Variants in PTPRD observed in about 807,000 individuals in gnomAD.
PTPRD encodes protein tyrosine phosphatase receptor type D.
Under a neutral mutation model 214.5 loss-of-function variants are expected in PTPRD, and 34 were observed. The observed-to-expected ratio is 0.16, with a 90% CI of 0.12 to 0.21. The LOEUF (loss-of-function observed/expected upper bound fraction) is 0.21, where lower values mean the gene tolerates loss of function less well. Ranked by LOEUF, PTPRD falls within the 10% of genes least tolerant of loss-of-function variation. PTPRD has a pLI of 1.00. For missense variants in PTPRD, 2,545 were observed against 2,398.7 expected, an observed-to-expected ratio of 1.06 and a Z score of -1.27; for synonymous variants, 1,128 against 845.7, an observed-to-expected ratio of 1.33 and a Z score of -5.79.
chr9:8,532,221 C>G (rs893227276), intron 14 of PTPRD, among the ~76,000 whole-genome samples: 1 of 151,666 alleles, frequency 6.6e-6, no homozygotes, highest in African/African-American at 2.4e-5. Context: ...TGGCTTGTTT[C>G]CAATTTGACT....
intron 3 of PTPRD, among the ~76,000 whole-genome samples, chr9:10,042,093 G>C (rs900668079): frequency 1.3e-5 from 2 of 152,052 alleles, no homozygotes; most frequent in Non-Finnish European, 2.9e-5. Context: ...AGCAGCAGAG[G>C]TAGCAAAATG....
intron 3 of PTPRD, among the ~76,000 whole-genome samples, chr9:10,139,319 A>G (rs1362349705): frequency 6.6e-6 from 1 of 152,034 alleles, no homozygotes; most frequent in African/African-American, 2.4e-5. Flanking sequence ...ACTGCTAATC[A>G]AGGAGATAAA....
chr9:8,769,690 G>C lies in PTPRD; in HGVS notation c.-103-35744C>G, dbSNP rs557733147. Among the ~76,000 whole-genome samples the C allele has an allele frequency of 3.6e-4, 55 of 151,934 alleles. 1 individual carries two copies. Among genetic ancestry groups the C allele is most frequent in the Admixed American group, 3.3e-3 (50 of 15,264 alleles). On this transcript the variant is annotated intron_variant, in intron 11 of 45. Coordinates refer to ENST00000381196, the MANE Select transcript of PTPRD (RefSeq NM_002839.4). The stretch of plus-strand genomic sequence containing the variant: ...ACTGTGAGAATATTGATGTCAGAAG[G>C]AAAGCAACTCTGTTCAACAGTTTTC...
At chr9:8,539,732 T>C (rs1386001692) in intron 14 of PTPRD, among the ~76,000 whole-genome samples, 1 of 152,070 alleles carries the variant, frequency 6.6e-6, no homozygotes, top group Non-Finnish European at 1.5e-5. Flanking sequence ...AAGAACATTT[T>C]GTTAAATAAC....
chr9:8,489,924 G>A (rs555168263), intron 27 of PTPRD, among the ~76,000 whole-genome samples: 4 of 152,310 alleles, frequency 2.6e-5, no homozygotes, highest in Admixed American at 1.3e-4. Context: ...AAATAAAGAC[G>A]GATGCAGCAG....
intron 7 of PTPRD, among the ~76,000 whole-genome samples, chr9:9,647,607 T>C (rs1024119166): frequency 2.0e-5 from 3 of 152,230 alleles, no homozygotes; most frequent in Non-Finnish European, 2.9e-5. Context: ...ATTTTGTTTA[T>C]GGTCATAAAT....
chr9:10,467,843 A>G (rs1423918472), intron 2 of PTPRD, among the ~76,000 whole-genome samples: 3 of 152,098 alleles, frequency 2.0e-5, no homozygotes, highest in Non-Finnish European at 2.9e-5. Flanking sequence ...CAAGTAAAAA[A>G]CATAAAGATA....
intron 11 of PTPRD, among the ~76,000 whole-genome samples, chr9:8,795,204 A>C (rs2096374716): frequency 6.6e-6 from 1 of 151,962 alleles, no homozygotes; most frequent in African/African-American, 2.4e-5. Context: ...TCACTCTGTC[A>C]CCCAGGCTGG....
chr9:9,716,337 A>G (rs1341046583), intron 7 of PTPRD, among the ~76,000 whole-genome samples: 2 of 151,720 alleles, frequency 1.3e-5, no homozygotes, highest in African/African-American at 2.4e-5. Flanking sequence ...TCTTTATAGC[A>G]GCATGATTTA....
At chr9:8,483,728 G>A (rs760087073) in intron 30 of PTPRD, among the ~76,000 whole-genome samples, 3 of 152,150 alleles carry the variant, frequency 2.0e-5, no homozygotes, top group Non-Finnish European at 4.4e-5. Flanking sequence ...GCAGTGAGCC[G>A]AGATCGCGCC....
chr9:8,752,085 G>C (rs1025313673), intron 11 of PTPRD, among the ~76,000 whole-genome samples: 1 of 152,176 alleles, frequency 6.6e-6, no homozygotes, highest in Non-Finnish European at 1.5e-5. Flanking sequence ...CGCTGTCAGA[G>C]ATGTGTGAAC....
chr9:9,277,084 C>T, intron 9 of PTPRD, among the ~76,000 whole-genome samples: 1 of 151,378 alleles, frequency 6.6e-6, no homozygotes, highest in East Asian at 2.0e-4. Context: ...ACAATTCAAT[C>T]CCTTGTCTAT....
chr9:8,989,485 A>G (rs1250083554), intron 11 of PTPRD, among the ~76,000 whole-genome samples: 2 of 152,028 alleles, frequency 1.3e-5, no homozygotes, highest in Non-Finnish European at 2.9e-5. Flanking sequence ...GGTTTATTTC[A>G]CTTACTATAA....
intron 14 of PTPRD, among the ~76,000 whole-genome samples, chr9:8,553,441 T>C (rs1005740295): frequency 3.3e-5 from 5 of 152,200 alleles, no homozygotes; most frequent in African/African-American, 4.8e-5. Context: ...TCTGATAAGT[T>C]GAAGTAGTGG....
chr9:8,684,089 GAA>G lies in PTPRD; in HGVS notation c.65-47247_65-47246del, dbSNP rs140480931. Among the ~76,000 whole-genome samples, 1,243 of 152,222 alleles carry G rather than the reference GAA, an allele frequency of 8.2e-3. 22 individuals are homozygous for G. The highest frequency in any genetic ancestry group is 0.029 in the African/African-American group (1,190 of 41,544). On this transcript the variant is annotated intron_variant, in intron 12 of 45. Coordinates refer to ENST00000381196, the MANE Select transcript of PTPRD (RefSeq NM_002839.4). ...TGCAGCTAAGATATGGTGGAGCAGC[GAA>G]AAGTCATCTCTGCTGCGCCCTATCT...
At chr9:8,990,072 C>T (rs1161070815) in intron 11 of PTPRD, among the ~76,000 whole-genome samples, 2 of 152,082 alleles carry the variant, frequency 1.3e-5, no homozygotes, top group Admixed American at 6.5e-5. Context: ...TGTCTTTTCC[C>T]ATTATTTGTG....
At chr9:9,679,244 C>G in intron 7 of PTPRD, among the ~76,000 whole-genome samples, 1 of 151,616 alleles carries the variant, frequency 6.6e-6, no homozygotes, top group Non-Finnish European at 1.5e-5. Context: ...TTCTCTCTCC[C>G]TCCTTCCCCC....
In PTPRD at chr9:8,809,614, C is replaced by A. The variant is rs57480833; in HGVS notation, c.-103-75668G>T. On this transcript the variant is annotated intron_variant, in intron 11 of 45. Transcript: ENST00000381196. Reference sequence around the variant, plus strand: ...TGAAATAGATGTTGCCCTCTGCAACCAGAGTCTCTGAGCAGATACCTGAAA... The same window carrying A: ...TGAAATAGATGTTGCCCTCTGCAACAAGAGTCTCTGAGCAGATACCTGAAA... Among the ~76,000 whole-genome samples the A allele has an allele frequency of 9.1e-3, 1,390 of 152,234 alleles. 24 individuals are homozygous for A. Among genetic ancestry groups the A allele is most frequent in the African/African-American group, 0.032 (1,316 of 41,532 alleles).
intron 7 of PTPRD, among the ~76,000 whole-genome samples, chr9:9,594,202 T>C (rs966585823): frequency 1.3e-5 from 2 of 152,024 alleles, no homozygotes; most frequent in Admixed American, 6.6e-5. Flanking sequence ...AGGACACACA[T>C]GTGAGAGAGT....
Sources: gnomAD v4.1 joint callset for allele counts (sites outside exome capture counted in the v4.1 genomes callset) on GRCh38, gnomAD v4.1.1 for gene constraint, MANE v1.5 for transcripts, NCBI Gene and HGNC (gene_info 2026-07-23, HGNC 2026-07-21) for gene names.